The following DENND5B variants were observed in gnomAD, a reference collection of about 807,000 sequenced individuals.
The protein encoded by DENND5B is DENN domain containing 5B.
A neutral mutation model predicts 140.6 loss-of-function variants in DENND5B; 34 were observed. The ratio of observed to expected loss-of-function variants is 0.24; its 90% CI spans 0.18 to 0.32. The LOEUF (loss-of-function observed/expected upper bound fraction) is 0.32. DENND5B is among the 10% of genes least tolerant of loss of function. The pLI is 1.00. For synonymous variants in DENND5B, 551 were observed against 562.1 expected (o/e 0.98, Z 0.28); for missense variants, 1,142 against 1,560.2 (o/e 0.73, Z 4.52).
At chr12:31,555,888 T>A (rs1949260669) in intron 1 of DENND5B, among the ~76,000 whole-genome samples, 1 of 152,196 alleles carries the variant, frequency 6.6e-6, no homozygotes, top group South Asian at 2.1e-4. Flanking sequence ...GGTGTGCCAT[T>A]TTTTAAGCCC....
chr12:31,480,457 C>T (rs1462483166), intron 2 of DENND5B, among the ~76,000 whole-genome samples: 2 of 152,066 alleles, frequency 1.3e-5, no homozygotes, highest in Non-Finnish European at 2.9e-5. Flanking sequence ...GGAGTATATA[C>T]AAGGGAAAAA....
intron 1 of DENND5B, among the ~76,000 whole-genome samples, chr12:31,538,850 C>CA (rs1372397746): frequency 2.6e-5 from 4 of 151,366 alleles, no homozygotes; most frequent in African/African-American, 7.3e-5. Flanking sequence ...GGGTGGGCAA[C>CA]AGAGTGAGAT....
At chr12:31,393,475 C>T (rs894591994) in intron 17 of DENND5B, among the ~76,000 whole-genome samples, 3 of 152,140 alleles carry the variant, frequency 2.0e-5, no homozygotes, top group African/African-American at 7.2e-5. Context: ...TGCTTGAATG[C>T]GACCTAAATC....
chr12:31,426,179 A>G, intron 9 of DENND5B, 114 bp downstream of exon 9: 1 of 1,295,480 alleles, frequency 7.7e-7, no homozygotes, highest in South Asian at 1.7e-5. Context: ...CCACAGTAAA[A>G]GTTTTCTTCT....
chr12:31,574,405 C>G (rs148387230), intron 1 of DENND5B, among the ~76,000 whole-genome samples: 3,106 of 151,726 alleles, frequency 0.02, 57 homozygotes, highest in South Asian at 0.052. Flanking sequence ...ACCTGGGCAA[C>G]ACAGCAAAAC....
At chr12:31,442,717 A>G (rs1201652291) in intron 7 of DENND5B, 58 bp downstream of exon 7, 16 of 1,552,732 alleles carry the variant, frequency 1.0e-5, no homozygotes, top group African/African-American at 1.4e-5. Context: ...TGAGTTGCAG[A>G]GCACCCCACC....
At chr12:31,576,540 G>T (rs1950025270) in intron 1 of DENND5B, among the ~76,000 whole-genome samples, 1 of 152,038 alleles carries the variant, frequency 6.6e-6, no homozygotes, top group Non-Finnish European at 1.5e-5. Context: ...AAATTTCCCA[G>T]TTTCTGCTAG....
intron 1 of DENND5B, among the ~76,000 whole-genome samples, chr12:31,566,248 A>G (rs1258222014): frequency 6.6e-6 from 1 of 152,048 alleles, no homozygotes; most frequent in Non-Finnish European, 1.5e-5. Context: ...TGAGCCCAGG[A>G]GTTCGAGGCT....
Position 31,423,776 on chromosome 12 carries a change from G to A in DENND5B, c.2392-101C>T, listed in dbSNP as rs530400822. ...ATTCCAATAGCCATTTAGAAGTCTGGTGACCCAAGCTCACTCATTCCTAGT... is the reference window on the plus strand; with the variant it reads ...ATTCCAATAGCCATTTAGAAGTCTGATGACCCAAGCTCACTCATTCCTAGT... On this transcript the variant is annotated intron_variant, in intron 10 of 20. Coordinates refer to ENST00000389082, the MANE Select transcript of DENND5B (RefSeq NM_144973.4). 153 of 1,179,096 alleles carry A rather than the reference G, an allele frequency of 1.3e-4. No homozygotes were observed. The South Asian group carries it at 2.0e-3, about 15-fold the overall frequency. 73.0% of individuals were successfully genotyped at this position (1,179,096 alleles called of 1,614,324 possible).
At chr12:31,492,681 A>G (rs1374114186) in intron 2 of DENND5B, among the ~76,000 whole-genome samples, 1 of 152,046 alleles carries the variant, frequency 6.6e-6, no homozygotes, top group Non-Finnish European at 1.5e-5. Flanking sequence ...TGATTTAAAC[A>G]CTCTTTTCCT....
rs191089798 is a variant in DENND5B, at chr12:31,450,198, T to C, written c.1629+1742A>G. ...CTTTTGTAGTTCATAAATGTAATAATTGGCTTTTCATGCTCATGTGTGAGA... is the reference window on the plus strand; with the variant it reads ...CTTTTGTAGTTCATAAATGTAATAACTGGCTTTTCATGCTCATGTGTGAGA... On this transcript the variant is annotated intron_variant, in intron 5 of 20. Transcript: ENST00000389082. Among the ~76,000 whole-genome samples, 642 of 152,336 alleles carry C rather than the reference T, an allele frequency of 4.2e-3. 5 individuals are homozygous for C. The highest frequency in any genetic ancestry group is 0.014 in the African/African-American group (583 of 41,586).
At chr12:31,463,683 C>T (rs1244937326) in intron 3 of DENND5B, among the ~76,000 whole-genome samples, 4 of 151,450 alleles carry the variant, frequency 2.6e-5, no homozygotes, top group African/African-American at 9.7e-5. Flanking sequence ...TTTTTGAGAT[C>T]GAGTTTTCAC....
rs142959250 is a variant in DENND5B at position 31,407,901 on chromosome 12, G to T, written c.2803+1362C>A. Among the ~76,000 whole-genome samples the T allele has an allele frequency of 6.6e-5, 10 of 152,270 alleles. 1 individual carries two copies. Among genetic ancestry groups the T allele is most frequent in the Admixed American group, 6.5e-4 (10 of 15,278 alleles). ...TTGCAGCTAAATGCAATTCCTAATT[G>T]ATACAAGTAAAAATTCTCCAAAGTA... On this transcript the variant is annotated intron_variant, in intron 14 of 20. Coordinates refer to ENST00000389082, the MANE Select transcript of DENND5B (RefSeq NM_144973.4).
chr12:31,559,678 TAATCATGGATTTAA>T (rs1183854855), intron 1 of DENND5B, among the ~76,000 whole-genome samples: 1 of 152,138 alleles, frequency 6.6e-6, no homozygotes, highest in Non-Finnish European at 1.5e-5. Context: ...ACTTGAAGTT[TAATCATGGATTTAA>T]GAATTTCAAT....
intron 3 of DENND5B, among the ~76,000 whole-genome samples, chr12:31,476,285 G>C (rs1237792531): frequency 1.3e-5 from 2 of 150,794 alleles, no homozygotes; most frequent in African/African-American, 4.9e-5. Context: ...CATTTAAAAA[G>C]GTTTTATGTT....
chr12:31,468,342 C>A (rs1945375629), intron 3 of DENND5B, among the ~76,000 whole-genome samples: 1 of 151,774 alleles, frequency 6.6e-6, no homozygotes, highest in African/African-American at 2.4e-5. Context: ...TAACACAGGA[C>A]TCAAGTGCTT....
chr12:31,503,137 T>C (rs1393203388), intron 1 of DENND5B, among the ~76,000 whole-genome samples: 1 of 152,200 alleles, frequency 6.6e-6, no homozygotes, highest in Non-Finnish European at 1.5e-5. Flanking sequence ...AATAATTAAA[T>C]ATATACTACA....
At chr12:31,433,111 C>T (rs1263357269) in intron 8 of DENND5B, 44 bp downstream of exon 8, 5 of 1,529,150 alleles carry the variant, frequency 3.3e-6, no homozygotes, top group Non-Finnish European at 4.5e-6. Flanking sequence ...AAGCCTAGTT[C>T]ATGGCGCTTG....
rs1425266397 is a variant in DENND5B, at chr12:31,479,957, T to C, written c.536A>G (p.Tyr179Cys). 3.1e-6 allele frequency: 5 copies of C among 1,613,898 alleles called. No individual in the cohort carries two copies. Among genetic ancestry groups the C allele is most frequent in the Non-Finnish European group, 4.2e-6 (5 of 1,179,894 alleles). Residue 179 changes from tyrosine to cysteine, a missense_variant, in exon 3 of 21, where the codon TAT (tyrosine) becomes TGT (cysteine). Physicochemically the swap from Tyr to Cys is radical, Grantham distance 194. Transcript: ENST00000389082. ...ATACAGGGTGTCTCTGCTAATATCA[T>C]AGGAGTTGTATCGCTGGAGTTTCAA... ...SLLKLQRYNS[Y>C]DISRDTLYVS... is the part of the protein sequence containing the mutation.
Sources: gnomAD v4.1 joint callset for allele counts (sites outside exome capture counted in the v4.1 genomes callset) on GRCh38, gnomAD v4.1.1 for gene constraint, MANE v1.5 for transcripts, NCBI Gene and HGNC (gene_info 2026-07-23, HGNC 2026-07-21) for gene names.